The following ERC2 variants were observed in gnomAD, a reference collection of about 807,000 sequenced individuals.
ERC2 encodes ERC protein 2.
In ERC2, 42 loss-of-function variants were observed where a neutral mutation model predicts 114.8. The observed-to-expected ratio is 0.37, with a 90% CI of 0.29 to 0.47. ERC2 has a LOEUF of 0.47. Ranked by LOEUF, ERC2 falls within the 20% of genes least tolerant of loss-of-function variation. ERC2 has a pLI of 0.99. For synonymous variants in ERC2, 454 were observed against 425.5 expected (o/e 1.07, Z -0.82); for missense variants, 939 against 1,150.7 (o/e 0.82, Z 2.66).
intron 2 of ERC2, among the ~76,000 whole-genome samples, chr3:56,301,313 TTTTTCATTTTCTTTTAG>T (rs2055860522): frequency 6.6e-6 from 1 of 152,236 alleles, no homozygotes; most frequent in African/African-American, 2.4e-5. Flanking sequence ...TTTCTTTTAA[TTTTTCATTTTCTTTTAG>T]TTTTCATTTT....
chr3:56,394,023 C>T (rs1449606202), intron 2 of ERC2, among the ~76,000 whole-genome samples: 2 of 152,140 alleles, frequency 1.3e-5, no homozygotes, highest in African/African-American at 4.8e-5. Flanking sequence ...CTCCAGCTCA[C>T]TGCCTTTGAT....
intron 2 of ERC2, among the ~76,000 whole-genome samples, chr3:56,423,094 C>T (rs1287444778): frequency 6.6e-6 from 1 of 152,222 alleles, no homozygotes; most frequent in East Asian, 1.9e-4. Flanking sequence ...TTTGAAGATT[C>T]ATGATTACCA....
chr3:55,754,228 A>G (rs2066907453), intron 14 of ERC2, among the ~76,000 whole-genome samples: 1 of 151,762 alleles, frequency 6.6e-6, no homozygotes, highest in Non-Finnish European at 1.5e-5. Flanking sequence ...AAAATATTTT[A>G]TTTTCTGTTT....
intron 14 of ERC2, among the ~76,000 whole-genome samples, chr3:55,857,021 A>G (rs2061816699): frequency 6.6e-6 from 1 of 151,802 alleles, no homozygotes; most frequent in Non-Finnish European, 1.5e-5. Context: ...AAAAGGGGTA[A>G]TAGACAGTAA....
intron 3 of ERC2, among the ~76,000 whole-genome samples, chr3:56,242,141 C>T (rs1287267868): frequency 6.6e-6 from 1 of 152,150 alleles, no homozygotes; most frequent in Admixed American, 6.5e-5. Flanking sequence ...ACTACTCAGC[C>T]ATAAAACGGA....
intron 9 of ERC2, among the ~76,000 whole-genome samples, chr3:56,009,315 G>T (rs1213103820): frequency 1.3e-5 from 2 of 152,184 alleles, no homozygotes; most frequent in Admixed American, 6.5e-5. Context: ...AAGCTAGGAA[G>T]AGAACTCCAT....
chr3:56,319,208 T>C (rs554577122), intron 2 of ERC2, among the ~76,000 whole-genome samples: 9 of 152,056 alleles, frequency 5.9e-5, no homozygotes, highest in Admixed American at 6.5e-5. Context: ...TGCAGCATTA[T>C]TAACAATAGC....
rs534870645 is a variant in ERC2, at chr3:55,937,541, A to G, written c.2403+12884T>C. Among the ~76,000 whole-genome samples, 3 of 152,310 alleles carry G rather than the reference A, an allele frequency of 2.0e-5. No individual in the cohort carries two copies. The East Asian group carries it at 5.8e-4, about 29-fold the overall frequency. On this transcript the variant is annotated intron_variant, in intron 13 of 17. Transcript: ENST00000288221. ...GGTCAAACCTCTCAGAGGGGAAGATAAGGTGCAGGGAAGGCTGCACCAGAT... is the reference window on the plus strand; with the variant it reads ...GGTCAAACCTCTCAGAGGGGAAGATGAGGTGCAGGGAAGGCTGCACCAGAT...
chr3:56,267,335 A>G (rs916693890), intron 3 of ERC2, among the ~76,000 whole-genome samples: 1 of 152,236 alleles, frequency 6.6e-6, no homozygotes, highest in Non-Finnish European at 1.5e-5. Context: ...GCTATAAGAC[A>G]TTATGCTAAC....
chr3:55,884,307 G>A (rs923595462), intron 14 of ERC2, among the ~76,000 whole-genome samples: 1 of 152,140 alleles, frequency 6.6e-6, no homozygotes, highest in African/African-American at 2.4e-5. Context: ...CACAGAAGAA[G>A]AGGCACTTGC....
At chr3:55,656,299 C>A (rs2060862570) in intron 17 of ERC2, among the ~76,000 whole-genome samples, 1 of 151,978 alleles carries the variant, frequency 6.6e-6, no homozygotes, top group Admixed American at 6.6e-5. Context: ...CCCCCACTTC[C>A]AACTATTTTT....
At chr3:55,651,756 A>G (rs2060631971) in intron 17 of ERC2, among the ~76,000 whole-genome samples, 1 of 152,222 alleles carries the variant, frequency 6.6e-6, no homozygotes, top group African/African-American at 2.4e-5. Flanking sequence ...CCTCAGAGAA[A>G]CAGGGGATCA....
At chr3:56,153,497 G>C (rs991237910) in intron 4 of ERC2, among the ~76,000 whole-genome samples, 1 of 152,130 alleles carries the variant, frequency 6.6e-6, no homozygotes, top group Admixed American at 6.5e-5. Context: ...AGACACTAGG[G>C]TAACTCTATT....
intron 8 of ERC2, among the ~76,000 whole-genome samples, chr3:56,011,764 G>A (rs1475612237): frequency 6.6e-6 from 1 of 152,032 alleles, no homozygotes; most frequent in East Asian, 1.9e-4. Context: ...AACAACTGTG[G>A]CCAAGGATCC....
chr3:55,728,441 G>A (rs2065052883), intron 15 of ERC2, among the ~76,000 whole-genome samples: 2 of 152,308 alleles, frequency 1.3e-5, no homozygotes, highest in South Asian at 4.1e-4. Context: ...GACTGAGATT[G>A]AATGGATGAG....
intron 2 of ERC2, among the ~76,000 whole-genome samples, chr3:56,356,844 AT>A (rs2058764057): frequency 6.6e-6 from 1 of 152,264 alleles, no homozygotes; most frequent in East Asian, 1.9e-4. Context: ...ATCTGGTTTA[AT>A]TTTCCTATGC....
intron 6 of ERC2, among the ~76,000 whole-genome samples, chr3:56,092,425 G>A (rs550184203): frequency 8.5e-5 from 13 of 152,132 alleles, no homozygotes; most frequent in African/African-American, 2.9e-4. Flanking sequence ...AAAATTAGGT[G>A]GTTTTAAGTG....
At position 56,296,412 on chromosome 3, in the gene ERC2, G is replaced by A; in HGVS notation, c.681C>T (p.Ala227=). 6.2e-7 allele frequency: 1 copy of A among 1,613,092 alleles called. No homozygotes were observed. Among genetic ancestry groups the A allele is most frequent in the East Asian group, 2.2e-5 (1 of 44,860 alleles). Residue 227 remains alanine (A), a synonymous_variant, in exon 3 of 18, where the codon GCC becomes GCT. Coordinates refer to ENST00000288221, the MANE Select transcript of ERC2 (RefSeq NM_015576.3). Reference sequence around the variant, plus strand: ...TCTGGGTTCGCAGCTCATCTTGAAGGGCCTGGATTGTCAACTGTAGGTGCT... The same window carrying A: ...TCTGGGTTCGCAGCTCATCTTGAAGAGCCTGGATTGTCAACTGTAGGTGCT... ...ENQHLQLTIQ[A]LQDELRTQRD... is the part of the protein sequence containing the mutation.
intron 13 of ERC2, among the ~76,000 whole-genome samples, chr3:55,938,240 G>C (rs2066576839): frequency 6.6e-6 from 1 of 151,152 alleles, no homozygotes; most frequent in African/African-American, 2.5e-5. Flanking sequence ...TTAAAATATA[G>C]AGCTATGTCC....
Sources: gnomAD v4.1 joint callset for allele counts (sites outside exome capture counted in the v4.1 genomes callset) on GRCh38, gnomAD v4.1.1 for gene constraint, MANE v1.5 for transcripts, NCBI Gene and HGNC (gene_info 2026-07-23, HGNC 2026-07-21) for gene names.